Variants in PAK1 observed in about 807,000 individuals in gnomAD.
The protein encoded by PAK1 is p21 (RAC1) activated kinase 1.
A neutral mutation model predicts 67.4 loss-of-function variants in PAK1; 29 were observed. That is an observed-to-expected ratio of 0.43 (90% CI 0.32 to 0.59). The LOEUF is 0.59. PAK1 is among the 20% of genes least tolerant of loss of function. PAK1 has a pLI of 0.07. For synonymous variants in PAK1, 223 were observed against 237.4 expected, an observed-to-expected ratio of 0.94 and a Z score of 0.56; for missense variants, 337 against 670.7, an observed-to-expected ratio of 0.50 and a Z score of 5.50.
the PAK1 span, among the ~76,000 whole-genome samples, chr11:77,525,852 T>C: frequency 2.6e-5 from 4 of 152,230 alleles, no homozygotes; most frequent in Non-Finnish European, 5.9e-5. Context: ...TTGTCCTTTC[T>C]AAAAGTCACT....
At chr11:77,465,139 A>AT (rs1350534094) in intron 1 of PAK1, among the ~76,000 whole-genome samples, 2 of 152,118 alleles carry the variant, frequency 1.3e-5, no homozygotes, top group Admixed American at 6.6e-5. Context: ...TAAAAAAACG[A>AT]TTTTTTGAAA....
chr11:77,407,306 T>C (rs942613590), intron 1 of PAK1, among the ~76,000 whole-genome samples: 3 of 152,196 alleles, frequency 2.0e-5, no homozygotes, highest in African/African-American at 7.2e-5. Flanking sequence ...TTCGTGGTTT[T>C]TGTTTGACCA....
At chr11:77,529,826 C>A in the PAK1 span, 1 of 152,220 alleles carries the variant, frequency 6.6e-6, no homozygotes, top group Non-Finnish European at 1.5e-5. Context: ...CAGAGCACTG[C>A]ACATGGTTTT....
chr11:77,362,340 T>A (rs1946904591), intron 5 of PAK1, among the ~76,000 whole-genome samples: 1 of 152,232 alleles, frequency 6.6e-6, no homozygotes, highest in Non-Finnish European at 1.5e-5. Context: ...TGTTGGAATA[T>A]ACTTTATGTA....
At chr11:77,441,662 G>A (rs1956361367) in intron 1 of PAK1, among the ~76,000 whole-genome samples, 1 of 152,176 alleles carries the variant, frequency 6.6e-6, no homozygotes, top group Non-Finnish European at 1.5e-5. Context: ...CATGACTTAG[G>A]ATCACATGGT....
At chr11:77,457,969 G>A (rs1354932036) in intron 1 of PAK1, among the ~76,000 whole-genome samples, 1 of 152,006 alleles carries the variant, frequency 6.6e-6, no homozygotes, top group Non-Finnish European at 1.5e-5. Context: ...GCATTTATTA[G>A]GCATCTCTGA....
chr11:77,522,863 A>G, the PAK1 span, among the ~76,000 whole-genome samples: 10 of 152,244 alleles, frequency 6.6e-5, no homozygotes, highest in Non-Finnish European at 1.2e-4. Context: ...AATGCCATAC[A>G]TATACACTAT....
chr11:77,451,420 T>G (rs997981310), intron 1 of PAK1, among the ~76,000 whole-genome samples: 1 of 152,198 alleles, frequency 6.6e-6, no homozygotes, highest in Admixed American at 6.5e-5. Context: ...CATTACATCA[T>G]ACCGCCTTTG....
At position 77,355,973 on chromosome 11, in the gene PAK1, A is replaced by G. The variant is rs189465598; in HGVS notation, c.598-131T>C. 4.2e-4 allele frequency: 263 copies of G among 631,578 alleles called. 2 individuals are homozygous for G. Among genetic ancestry groups the G allele is most frequent in the Middle Eastern group, 6.7e-4 (2 of 2,986 alleles). The allele number at this position is 631,578 out of a possible 1,614,324, so 39.1% of individuals were successfully genotyped here. A position where few individuals can be genotyped will look rare whatever the true frequency, so the allele number is the denominator to read the frequency against. ...CATCCTTTCTCTTATGTCAAAATCTATATTACTCCTCCTCTGTGCCCAGGC... is the reference window on the plus strand; with the variant it reads ...CATCCTTTCTCTTATGTCAAAATCTGTATTACTCCTCCTCTGTGCCCAGGC... On this transcript the variant is annotated intron_variant, in intron 6 of 14. Transcript: ENST00000356341.
At chr11:77,462,989 T>C (rs1001831633) in intron 1 of PAK1, among the ~76,000 whole-genome samples, 1 of 24,822 alleles carries the variant, frequency 4.0e-5, no homozygotes, top group Non-Finnish European at 7.6e-5. Flanking sequence ...AAAAGGTGGG[T>C]GGGGGTGGGG....
Position 77,392,412 on chromosome 11 carries a change from C to A in PAK1, c.109G>T (p.Gly37Cys), listed in dbSNP as rs997423059. ...GSKDAGTLNH[G>C]SKPLPPNPEE... ...GGGTTTGGAGGCAGAGGTTTAGAAC[C>A]ATGGTTTAGGGTTCCAGCATCTTTG... is the stretch of plus-strand genomic sequence containing the variant. The change falls in exon 2 of 15, where the codon GGT becomes TGT. Residue 37 changes from glycine (G) to cysteine (C), a missense_variant. Gly to Cys is a radical substitution (Grantham distance 159). Transcript: ENST00000356341. 6.2e-7 allele frequency: 1 copy of A among 1,613,706 alleles called. No individual in the cohort carries two copies. The highest frequency in any genetic ancestry group is 8.5e-7 in the Non-Finnish European group (1 of 1,179,880).
the PAK1 span, among the ~76,000 whole-genome samples, chr11:77,520,257 C>T: frequency 6.6e-6 from 1 of 152,160 alleles, no homozygotes; most frequent in African/African-American, 2.4e-5. Context: ...ATGAAGACCA[C>T]TCTTAACTGC....
intron 1 of PAK1, among the ~76,000 whole-genome samples, chr11:77,420,971 C>T (rs1220345196): frequency 2.6e-5 from 4 of 152,206 alleles, no homozygotes; most frequent in Admixed American, 1.3e-4. Flanking sequence ...TTACAACATC[C>T]TTTTTAACTG....
At chr11:77,326,671 A>G (rs1043570552) in intron 14 of PAK1, among the ~76,000 whole-genome samples, 1 of 152,176 alleles carries the variant, frequency 6.6e-6, no homozygotes, top group African/African-American at 2.4e-5. Flanking sequence ...GGCAACAGAG[A>G]GAGATCCTGT....
At chr11:77,491,308 A>T in the PAK1 span, among the ~76,000 whole-genome samples, 1 of 152,196 alleles carries the variant, frequency 6.6e-6, no homozygotes, top group Non-Finnish European at 1.5e-5. Context: ...AATAACTACA[A>T]CATAGTACGA....
chr11:77,406,709 C>T (rs1196663082), intron 1 of PAK1, among the ~76,000 whole-genome samples: 1 of 152,108 alleles, frequency 6.6e-6, no homozygotes, highest in East Asian at 1.9e-4. Context: ...GCCAAAAGGT[C>T]AAGACTGCAG....
chr11:77,482,597 CTT>C, the PAK1 span, among the ~76,000 whole-genome samples: 171 of 137,360 alleles, frequency 1.2e-3, no homozygotes, highest in Non-Finnish European at 1.8e-3. Flanking sequence ...CTCTTTTTTT[CTT>C]TTTTTTTTTT....
chr11:77,446,904 A>AC (rs923907924), intron 1 of PAK1, among the ~76,000 whole-genome samples: 6 of 152,104 alleles, frequency 3.9e-5, no homozygotes, highest in African/African-American at 1.2e-4. Flanking sequence ...AAAGAAAAAA[A>AC]AAAAACAAAA....
intron 5 of PAK1, among the ~76,000 whole-genome samples, chr11:77,362,409 G>C (rs534272487): frequency 6.6e-6 from 1 of 151,680 alleles, no homozygotes; most frequent in East Asian, 1.9e-4. Context: ...TTCTTCATTA[G>C]AATTACTAAC....
Sources: gnomAD v4.1 joint callset for allele counts (sites outside exome capture counted in the v4.1 genomes callset) on GRCh38, gnomAD v4.1.1 for gene constraint, MANE v1.5 for transcripts, NCBI Gene and HGNC (gene_info 2026-07-23, HGNC 2026-07-21) for gene names.